LRMDA: variants seen among roughly 807,000 people sequenced by gnomAD.
The protein encoded by LRMDA is leucine rich melanocyte differentiation associated, also known as leucine-rich melanocyte differentiation-associated protein.
LRMDA carries 18 observed loss-of-function variants against 29.8 expected under a neutral mutation model. The ratio of observed to expected loss-of-function variants is 0.60; its 90% confidence interval spans 0.42 to 0.90. The LOEUF is 0.90. Ranked by LOEUF, LRMDA falls within the 40% of genes least tolerant of loss-of-function variation. LRMDA has a pLI of 0.00. For missense variants in LRMDA, 273 were observed against 273.9 expected (o/e 1.00, Z 0.02); for synonymous variants, 125 against 109.4 (o/e 1.14, Z -0.89).
chr10:76,440,472 T>C (rs1842290496), intron 6 of LRMDA, among the ~76,000 whole-genome samples: 1 of 152,184 alleles, frequency 6.6e-6, no homozygotes, highest in South Asian at 2.1e-4. Context: ...TCTTTTAGTT[T>C]CGCTGAGTTC....
chr10:75,488,482 C>T (rs1362775943), intron 2 of LRMDA, among the ~76,000 whole-genome samples: 1 of 152,160 alleles, frequency 6.6e-6, no homozygotes, highest in Non-Finnish European at 1.5e-5. Flanking sequence ...GACAAAGCCA[C>T]TTAGTTTTCT....
intron 5 of LRMDA, among the ~76,000 whole-genome samples, chr10:76,112,960 A>G (rs982548675): frequency 1.3e-5 from 2 of 152,212 alleles, no homozygotes; most frequent in African/African-American, 4.8e-5. Context: ...TGACATGAGA[A>G]TAAACAACAT....
intron 6 of LRMDA, among the ~76,000 whole-genome samples, chr10:76,462,220 G>A (rs1842520798): frequency 1.3e-5 from 2 of 150,864 alleles, no homozygotes; most frequent in African/African-American, 4.9e-5. Flanking sequence ...TTTTTCAGGA[G>A]TCCCAGGCAA....
intron 2 of LRMDA, among the ~76,000 whole-genome samples, chr10:75,754,157 C>G (rs1200256007): frequency 6.6e-6 from 1 of 152,090 alleles, no homozygotes; most frequent in Non-Finnish European, 1.5e-5. Flanking sequence ...CCTGAAGGCT[C>G]TCCAGTTCTT....
chr10:76,410,975 T>C (rs1841955107), intron 6 of LRMDA, among the ~76,000 whole-genome samples: 1 of 152,110 alleles, frequency 6.6e-6, no homozygotes, highest in South Asian at 2.1e-4. Context: ...AGAAAGATCA[T>C]TCTGGCTGCC....
chr10:76,223,200 G>A (rs530737736), intron 5 of LRMDA, among the ~76,000 whole-genome samples: 77 of 151,926 alleles, frequency 5.1e-4, no homozygotes, highest in African/African-American at 1.8e-3. Flanking sequence ...ACACCAGCAT[G>A]GCACATGTAT....
intron 2 of LRMDA, among the ~76,000 whole-genome samples, chr10:75,655,785 C>T (rs1841662428): frequency 6.6e-6 from 1 of 152,184 alleles, no homozygotes; most frequent in South Asian, 2.1e-4. Context: ...GTGTCTCTGC[C>T]TGTCAGATGT....
intron 3 of LRMDA, among the ~76,000 whole-genome samples, chr10:76,039,297 G>A (rs1848303639): frequency 1.3e-5 from 2 of 152,174 alleles, no homozygotes; most frequent in South Asian, 4.1e-4. Flanking sequence ...TTGTGATAAA[G>A]GGAGCCCTAG....
intron 6 of LRMDA, among the ~76,000 whole-genome samples, chr10:76,408,431 C>G (rs536771469): frequency 1.2e-4 from 19 of 152,230 alleles, no homozygotes; most frequent in African/African-American, 4.1e-4. Context: ...TGATTATGTA[C>G]CGAGAATTAT....
At chr10:76,142,857 A>G (rs573757146) in intron 5 of LRMDA, among the ~76,000 whole-genome samples, 4 of 151,422 alleles carry the variant, frequency 2.6e-5, no homozygotes, top group Admixed American at 1.3e-4. Context: ...CTACCCAACA[A>G]CAGTCCCCAG....
At chr10:75,918,807 TG>T (rs750760688) in intron 2 of LRMDA, among the ~76,000 whole-genome samples, 13 of 152,182 alleles carry the variant, frequency 8.5e-5, no homozygotes, top group Non-Finnish European at 5.9e-5. Context: ...CATGGGAACC[TG>T]CCCCATTCTT....
intron 2 of LRMDA, among the ~76,000 whole-genome samples, chr10:75,794,535 T>G (rs1843620253): frequency 6.6e-6 from 1 of 152,178 alleles, no homozygotes; most frequent in African/African-American, 2.4e-5. Flanking sequence ...TCACTGTGAT[T>G]GTGCCATTTA....
At chr10:75,563,284 CT>C (rs1396191758) in intron 2 of LRMDA, among the ~76,000 whole-genome samples, 3 of 152,232 alleles carry the variant, frequency 2.0e-5, no homozygotes, top group Non-Finnish European at 4.4e-5. Flanking sequence ...TTCATTTCAT[CT>C]TCCATCACTG....
intron 6 of LRMDA, among the ~76,000 whole-genome samples, chr10:76,430,303 A>G (rs911385093): frequency 6.6e-6 from 1 of 152,196 alleles, no homozygotes; most frequent in Non-Finnish European, 1.5e-5. Flanking sequence ...TGCTGAGAAC[A>G]CACTGGAGCC....
At position 76,201,069 on chromosome 10, in the gene LRMDA, TTTTATTTA is replaced by T. The variant is rs57777695; in HGVS notation, c.517-123298_517-123291del. On this transcript the variant is annotated intron_variant, in intron 5 of 6. Transcript: ENST00000611255. ...GACCCCATATTATTAGTATTATTATTTTTATTTATTTATTTATTTATTTATTTATTTAT... is the reference window on the plus strand; with the variant it reads ...GACCCCATATTATTAGTATTATTATTTTTATTTATTTATTTATTTATTTAT... Among the ~76,000 whole-genome samples the T allele has an allele frequency of 4.9e-3, 691 of 141,238 alleles. 3 individuals carry two copies. The highest frequency in any genetic ancestry group is 7.3e-3 in the Middle Eastern group (2 of 274). The allele number at this position is 141,238 out of a possible 152,430, so 92.7% of individuals were successfully genotyped here.
At chr10:75,564,150 G>A (rs191515937) in intron 2 of LRMDA, among the ~76,000 whole-genome samples, 168 of 152,354 alleles carry the variant, frequency 1.1e-3, no homozygotes, top group African/African-American at 3.9e-3. Flanking sequence ...AGCCTACAGA[G>A]GCAGGCAGGT....
At chr10:75,555,188 T>C (rs1005575049) in intron 2 of LRMDA, among the ~76,000 whole-genome samples, 9 of 152,118 alleles carry the variant, frequency 5.9e-5, no homozygotes, top group African/African-American at 1.2e-4. Context: ...TTTTCTTACA[T>C]GATTACTAAG....
At chr10:75,543,363 CAAG>C (rs1361700871) in intron 2 of LRMDA, among the ~76,000 whole-genome samples, 1 of 152,026 alleles carries the variant, frequency 6.6e-6, no homozygotes, top group Non-Finnish European at 1.5e-5. Flanking sequence ...TGGTTATAAA[CAAG>C]AGATATTACT....
intron 6 of LRMDA, among the ~76,000 whole-genome samples, chr10:76,387,156 T>C (rs1248925979): frequency 6.6e-6 from 1 of 152,198 alleles, no homozygotes. Flanking sequence ...AAAAATATGG[T>C]AGCTACCCTT....
Sources: gnomAD v4.1 joint callset for allele counts (sites outside exome capture counted in the v4.1 genomes callset) on GRCh38, gnomAD v4.1.1 for gene constraint, MANE v1.5 for transcripts, NCBI Gene and HGNC (gene_info 2026-07-23, HGNC 2026-07-21) for gene names.